Variants in KCNQ1 observed in about 807,000 individuals in gnomAD.
The protein encoded by KCNQ1 is potassium voltage-gated channel subfamily Q member 1, also known as potassium voltage-gated channel subfamily KQT member 1.
KCNQ1 carries 49 observed loss-of-function variants against 72.4 expected under a neutral mutation model. That is an observed-to-expected ratio of 0.68 (90% CI 0.54 to 0.86). The LOEUF is 0.86. Ranked by LOEUF, KCNQ1 falls within the 40% of genes least tolerant of loss-of-function variation. The pLI is 0.00. For synonymous variants in KCNQ1, 450 were observed against 412.6 expected, an observed-to-expected ratio of 1.09 and a Z score of -1.10; for missense variants, 790 against 945.1, an observed-to-expected ratio of 0.84 and a Z score of 2.15.
intron 13 of KCNQ1, 53 bp downstream of exon 13, chr11:2,776,107 GC>G: frequency 6.9e-7 from 1 of 1,439,470 alleles, no homozygotes. Flanking sequence ...GCCCAGCCCG[GC>G]CCCAGCTGCA....
Position 2,658,798 on chromosome 11 carries a change from C to G in KCNQ1, c.1394-3163C>G, listed in dbSNP as rs1849898151. Reference sequence around the variant, plus strand: ...TTCTGACCAGAGTTCATCCTTGCCCCCTCCCCCACAACTTATTTATAGCTT... The same window carrying G: ...TTCTGACCAGAGTTCATCCTTGCCCGCTCCCCCACAACTTATTTATAGCTT... On this transcript the variant is annotated intron_variant, in intron 10 of 15. Coordinates refer to ENST00000155840, the MANE Select transcript of KCNQ1 (RefSeq NM_000218.3). The surrounding 1 kb of genome is among the most constrained non-coding windows in gnomAD (Gnocchi z 4.9). 7.5e-6 allele frequency: 3 copies of G among 398,506 alleles called. No individual in the cohort carries two copies. In the Admixed American group the frequency reaches 1.3e-4, roughly 18 times the overall value. The allele number at this position is 398,506 out of a possible 1,614,324, so 24.7% of individuals were successfully genotyped here.
Position 2,848,130 on chromosome 11 carries a change from C to CA in KCNQ1, c.*129dup. ...AGAAGAGCCCCACTCTCAGAGGCCC[C>CA]AATACCCCATGGACCATGCTGTCTG... On this transcript the variant is annotated 3_prime_UTR_variant, in exon 16 of 16. Transcript: ENST00000155840. 1.2e-6 allele frequency: 1 copy of CA among 822,712 alleles called. No individual in the cohort carries two copies. Among genetic ancestry groups the CA allele is most frequent in the African/African-American group, 1.7e-5 (1 of 59,622 alleles). 51.0% of individuals were successfully genotyped at this position (822,712 alleles called of 1,614,324 possible).
chr11:2,463,334 T>C lies in KCNQ1; in HGVS notation c.386+17850T>C, dbSNP rs1846305708. Reference sequence around the variant, plus strand: ...CTGCAAGGTAGAGGCTGTTTTCTGCTGAGGATACATTTGCCCCCTCTATCC... The same window carrying C: ...CTGCAAGGTAGAGGCTGTTTTCTGCCGAGGATACATTTGCCCCCTCTATCC... On this transcript the variant is annotated intron_variant, in intron 1 of 15. Coordinates refer to ENST00000155840, the MANE Select transcript of KCNQ1 (RefSeq NM_000218.3). The surrounding 1 kb of genome is among the most constrained non-coding windows in gnomAD (Gnocchi z 7.0). Among the ~76,000 whole-genome samples, 1 of 151,866 alleles carries C rather than the reference T, an allele frequency of 6.6e-6. No individual in the cohort carries two copies. The highest frequency in any genetic ancestry group is 2.1e-4 in the South Asian group (1 of 4,828).
At chr11:2,557,140 C>T (rs868255974) in intron 2 of KCNQ1, among the ~76,000 whole-genome samples, 7 of 152,158 alleles carry the variant, frequency 4.6e-5, no homozygotes, top group South Asian at 2.1e-4. Flanking sequence ...GGCCAAGAAA[C>T]TGCAAGCTAA....
chr11:2,445,073 C>T lies in KCNQ1; in HGVS notation c.-26C>T. The T allele has an allele frequency of 8.5e-6, 9 of 1,060,212 alleles. No individual in the cohort carries two copies. Among genetic ancestry groups the T allele is most frequent in the East Asian group, 6.3e-5 (1 of 15,760 alleles). 65.7% of individuals were successfully genotyped at this position (1,060,212 alleles called of 1,614,324 possible). ...CAGCTCCCGGTGCCGCCGCTCGGGCCGGCCCCCCGGCAGGCCCTCCTCGTT... is the reference window on the plus strand; with the variant it reads ...CAGCTCCCGGTGCCGCCGCTCGGGCTGGCCCCCCGGCAGGCCCTCCTCGTT... On this transcript the variant is annotated 5_prime_UTR_variant, in exon 1 of 16. Transcript: ENST00000155840.
chr11:2,786,312 A>C (rs1846912138), intron 15 of KCNQ1, among the ~76,000 whole-genome samples: 1 of 152,132 alleles, frequency 6.6e-6, no homozygotes, highest in Admixed American at 6.5e-5. Flanking sequence ...AAGATGATGA[A>C]TTGTTGCTCC....
intron 6 of KCNQ1, among the ~76,000 whole-genome samples, chr11:2,581,675 G>A (rs1848500246): frequency 6.6e-6 from 1 of 152,252 alleles, no homozygotes; most frequent in South Asian, 2.1e-4. Context: ...ACATGACCTT[G>A]TCATCTGTGT....
rs1278570522 is a variant in KCNQ1 at position 2,481,726 on chromosome 11, G to T, written c.386+36242G>T. Among the ~76,000 whole-genome samples, 1 of 152,146 alleles carries T rather than the reference G, an allele frequency of 6.6e-6. No homozygotes were observed. The highest frequency in any genetic ancestry group is 2.4e-5 in the African/African-American group (1 of 41,410). On this transcript the variant is annotated intron_variant, in intron 1 of 15. Transcript: ENST00000155840. The surrounding 1 kb of genome is among the most constrained non-coding windows in gnomAD (Gnocchi z 4.6). ...CAAACTATGCATGTGAGGGATCTAGGTTGCCTCCTCTTTATAAGAATCTAA... is the reference window on the plus strand; with the variant it reads ...CAAACTATGCATGTGAGGGATCTAGTTTGCCTCCTCTTTATAAGAATCTAA...
At position 2,792,936 on chromosome 11, in the gene KCNQ1, A is replaced by G. The variant is rs528913323; in HGVS notation, c.1794+14899A>G. Among the ~76,000 whole-genome samples the G allele has an allele frequency of 7.5e-4, 91 of 121,062 alleles. 1 individual carries two copies. The highest frequency in any genetic ancestry group is 2.7e-3 in the African/African-American group (85 of 31,532). 79.4% of individuals were successfully genotyped at this position (121,062 alleles called of 152,430 possible). A position where few individuals can be genotyped will look rare whatever the true frequency, so the allele number is the denominator to read the frequency against. On this transcript the variant is annotated intron_variant, in intron 15 of 15. Transcript: ENST00000155840. ...CCACATAGGTGTCAAAGTGCACAGC[A>G]CCCCCTCTCTTCCCCGCCCCCCGGG...
At chr11:2,760,837 A>G (rs1846381510) in intron 11 of KCNQ1, among the ~76,000 whole-genome samples, 1 of 152,126 alleles carries the variant, frequency 6.6e-6, no homozygotes, top group South Asian at 2.1e-4. Context: ...CCCACTACTC[A>G]AAGTTCTAGG....
rs1275251584 is a variant in KCNQ1, at chr11:2,683,859, A to C, written c.1514+21778A>C. The C allele has an allele frequency of 5.0e-6, 2 of 398,016 alleles. No homozygotes were observed. The highest frequency in any genetic ancestry group is 4.1e-5 in the African/African-American group (2 of 48,448). The allele number at this position is 398,016 out of a possible 1,614,324, so 24.7% of individuals were successfully genotyped here. A position where few individuals can be genotyped will look rare whatever the true frequency, so the allele number is the denominator to read the frequency against. On this transcript the variant is annotated intron_variant, in intron 11 of 15. Coordinates refer to ENST00000155840, the MANE Select transcript of KCNQ1 (RefSeq NM_000218.3). The surrounding 1 kb of genome is among the most constrained non-coding windows in gnomAD (Gnocchi z 4.7). ...GATTCCCCTCCCTGGCCCCACACTC[A>C]CTGCTACATCTCTCTTCCAAATCAT... is the stretch of plus-strand genomic sequence containing the variant.
chr11:2,647,718 T>G lies in KCNQ1; in HGVS notation c.1394-14243T>G. Reference sequence around the variant, plus strand: ...GATTTTTTTTCTTCCTGGTTCAATCTTGGGAGGTTATATATGTCCAGGAAT... The same window carrying G: ...GATTTTTTTTCTTCCTGGTTCAATCGTGGGAGGTTATATATGTCCAGGAAT... On this transcript the variant is annotated intron_variant, in intron 10 of 15. Coordinates refer to ENST00000155840, the MANE Select transcript of KCNQ1 (RefSeq NM_000218.3). This position sits in a 1 kb window ranked among gnomAD's most constrained non-coding sequence, Gnocchi z 4.0. The G allele has an allele frequency of 2.5e-6, 1 of 398,538 alleles. No individual in the cohort carries two copies. The highest frequency in any genetic ancestry group is 3.6e-5 in the East Asian group (1 of 28,046). The allele number at this position is 398,538 out of a possible 1,614,324, so 24.7% of individuals were successfully genotyped here.
chr11:2,664,318 A>C lies in KCNQ1; in HGVS notation c.1514+2237A>C. 2.5e-6 allele frequency: 1 copy of C among 398,858 alleles called. No homozygotes were observed. The highest frequency in any genetic ancestry group is 4.4e-6 in the Non-Finnish European group (1 of 226,298). 24.7% of individuals were successfully genotyped at this position (398,858 alleles called of 1,614,324 possible). ...AGGCATTGTGTTCTGGTCAGGGAAG[A>C]CTCAGGGCTGAGGCTTCAGGGGAGC... On this transcript the variant is annotated intron_variant, in intron 11 of 15. Transcript: ENST00000155840. This position sits in a 1 kb window ranked among gnomAD's most constrained non-coding sequence, Gnocchi z 5.1.
intron 1 of KCNQ1, among the ~76,000 whole-genome samples, chr11:2,524,663 G>A (rs1398920875): frequency 6.6e-6 from 1 of 152,216 alleles, no homozygotes; most frequent in African/African-American, 2.4e-5. Context: ...GCAGTAGACA[G>A]CACTGGCAGC....
At chr11:2,610,629 A>G (rs1848964203) in intron 10 of KCNQ1, 1 of 397,802 alleles carries the variant, frequency 2.5e-6, no homozygotes, top group South Asian at 1.3e-4. Flanking sequence ...TCTGCTAACA[A>G]GGAATTCTGT....
intron 11 of KCNQ1, chr11:2,692,129 T>A (rs1373775280): frequency 2.5e-6 from 1 of 398,618 alleles, no homozygotes; most frequent in Non-Finnish European, 4.4e-6. Flanking sequence ...TAGCCCACTC[T>A]ACTGAAGGCC....
chr11:2,585,417 C>G, intron 8 of KCNQ1, 110 bp downstream of exon 8: 1 of 1,022,566 alleles, frequency 9.8e-7, no homozygotes, highest in Non-Finnish European at 1.5e-6. Context: ...ATCAGCTTGG[C>G]TGGCCTGTGG....
chr11:2,802,582 G>T (rs1456962404), intron 15 of KCNQ1, among the ~76,000 whole-genome samples: 1 of 152,152 alleles, frequency 6.6e-6, no homozygotes, highest in African/African-American at 2.4e-5. Flanking sequence ...TCAGGAGCCA[G>T]CCTAGTGCCT....
chr11:2,761,257 C>T (rs567509814), intron 11 of KCNQ1, among the ~76,000 whole-genome samples: 7 of 150,280 alleles, frequency 4.7e-5, no homozygotes, highest in African/African-American at 1.5e-4. Flanking sequence ...GGTCAATGGT[C>T]TGCCGGCCTG....
Sources: gnomAD v4.1 joint callset for allele counts (sites outside exome capture counted in the v4.1 genomes callset) on GRCh38, gnomAD v4.1.1 for gene constraint, Gnocchi (gnomAD v3.1) non-coding constraint, MANE v1.5 for transcripts, NCBI Gene and HGNC (gene_info 2026-07-23, HGNC 2026-07-21) for gene names.